Variants in GRIA4 observed in about 807,000 individuals in gnomAD.
The protein encoded by GRIA4 is glutamate ionotropic receptor AMPA type subunit 4, also known as glutamate receptor 4.
Under a neutral mutation model 104.0 loss-of-function variants are expected in GRIA4, and 34 were observed. The observed-to-expected ratio is 0.33, with a 90% CI of 0.25 to 0.44. GRIA4 has a LOEUF of 0.44. Among genes scored for constraint, GRIA4 ranks in the 20% least tolerant of loss-of-function variants. The probability of loss-of-function intolerance (pLI) is 1.00; values close to 1 mark genes in which losing one functional copy is unlikely to be tolerated. For missense variants in GRIA4, 750 were observed against 1,096.5 expected (o/e 0.68, Z 4.46); for synonymous variants, 386 against 381.9 (o/e 1.01, Z -0.13).
At chr11:105,676,533 T>C (rs922560152) in intron 3 of GRIA4, among the ~76,000 whole-genome samples, 1 of 151,590 alleles carries the variant, frequency 6.6e-6, no homozygotes, top group Non-Finnish European at 1.5e-5. Flanking sequence ...AAAAAAAGAA[T>C]CACTATATCT....
intron 4 of GRIA4, among the ~76,000 whole-genome samples, chr11:105,844,919 C>A (rs182024358): frequency 6.6e-6 from 1 of 152,166 alleles, no homozygotes. Flanking sequence ...TATGGCACAG[C>A]GGGAATGTAG....
intron 3 of GRIA4, among the ~76,000 whole-genome samples, chr11:105,714,764 T>A (rs1954032997): frequency 6.6e-6 from 1 of 152,112 alleles, no homozygotes; most frequent in South Asian, 2.1e-4. Flanking sequence ...AATTATTTGA[T>A]CTTTAGCCGT....
At chr11:105,645,467 G>A (rs1542162) in intron 3 of GRIA4, among the ~76,000 whole-genome samples, 78,820 of 152,002 alleles carry the variant, frequency 0.52, 20,701 homozygotes, top group Admixed American at 0.61. Context: ...AGAAAATTCC[G>A]ACAGCATCTG....
intron 14 of GRIA4, among the ~76,000 whole-genome samples, chr11:105,944,379 T>G: frequency 6.6e-6 from 1 of 152,152 alleles, no homozygotes; most frequent in East Asian, 1.9e-4. Context: ...AGGCTCATTC[T>G]TGGTCTCCAC....
At chr11:105,673,407 G>C (rs1952436645) in intron 3 of GRIA4, among the ~76,000 whole-genome samples, 1 of 152,064 alleles carries the variant, frequency 6.6e-6, no homozygotes, top group Non-Finnish European at 1.5e-5. Context: ...TTAAATAGGG[G>C]GATGAGCAAA....
At chr11:105,703,365 T>A (rs1953574137) in intron 3 of GRIA4, among the ~76,000 whole-genome samples, 1 of 152,074 alleles carries the variant, frequency 6.6e-6, no homozygotes, top group African/African-American at 2.4e-5. Context: ...CTCTGAAAAA[T>A]AATGTAGCCT....
chr11:105,677,726 T>C (rs189308193), intron 3 of GRIA4, among the ~76,000 whole-genome samples: 18 of 152,074 alleles, frequency 1.2e-4, no homozygotes, highest in African/African-American at 3.6e-4. Context: ...ACACAGAAGA[T>C]AATAGTTGAA....
chr11:105,775,565 G>A (rs979369828), intron 4 of GRIA4, among the ~76,000 whole-genome samples: 1 of 151,494 alleles, frequency 6.6e-6, no homozygotes, highest in Admixed American at 6.6e-5. Context: ...ATGACAGCTA[G>A]GAAAAACCAT....
intron 4 of GRIA4, among the ~76,000 whole-genome samples, chr11:105,852,009 G>A (rs1032833203): frequency 2.6e-5 from 4 of 152,156 alleles, no homozygotes; most frequent in South Asian, 4.1e-4. Context: ...TATTCATTGA[G>A]TGAAAAGTGA....
At chr11:105,611,506 A>G (rs1435865033) in intron 2 of GRIA4, among the ~76,000 whole-genome samples, 1 of 152,148 alleles carries the variant, frequency 6.6e-6, no homozygotes. Context: ...CTTTCTTGCT[A>G]TTACAGAAAG....
chr11:105,626,081 C>T (rs989402428), intron 3 of GRIA4, among the ~76,000 whole-genome samples: 1 of 151,946 alleles, frequency 6.6e-6, no homozygotes, highest in African/African-American at 2.4e-5. Context: ...ATTTTAGGTC[C>T]GTGTGGGCAG....
intron 3 of GRIA4, among the ~76,000 whole-genome samples, chr11:105,739,620 A>G (rs888004738): frequency 6.6e-6 from 1 of 152,160 alleles, no homozygotes; most frequent in Non-Finnish European, 1.5e-5. Context: ...TTAATAACCT[A>G]TGATAATGCC....
At chr11:105,669,313 T>C (rs1952283910) in intron 3 of GRIA4, among the ~76,000 whole-genome samples, 1 of 152,080 alleles carries the variant, frequency 6.6e-6, no homozygotes, top group Non-Finnish European at 1.5e-5. Flanking sequence ...TTTTCTAATG[T>C]ATATGTAAAT....
intron 3 of GRIA4, among the ~76,000 whole-genome samples, chr11:105,635,172 ATAT>A (rs1392279217): frequency 6.6e-6 from 1 of 152,160 alleles, no homozygotes; most frequent in Non-Finnish European, 1.5e-5. Flanking sequence ...TAAAATAATA[ATAT>A]TAGAGACTTT....
Position 105,747,474 on chromosome 11 carries a change from C to T in GRIA4, c.248-5507C>T, listed in dbSNP as rs182025586. Among the ~76,000 whole-genome samples the T allele has an allele frequency of 2.6e-3, 401 of 152,148 alleles. 2 individuals are homozygous for T. Among genetic ancestry groups the T allele is most frequent in the Non-Finnish European group, 4.7e-3 (320 of 67,996 alleles). On this transcript the variant is annotated intron_variant, in intron 3 of 16. Coordinates refer to ENST00000282499, the MANE Select transcript of GRIA4 (RefSeq NM_000829.4). Reference sequence around the variant, plus strand: ...ACTATAATACTGTACAACAGTAACACGTAAGACAGGAGGGCAATGTCAAAG... The same window carrying T: ...ACTATAATACTGTACAACAGTAACATGTAAGACAGGAGGGCAATGTCAAAG...
chr11:105,981,553 T>TCA lies in GRIA4; in HGVS notation c.*1851_*1852dup, dbSNP rs112786972. The TCA allele has an allele frequency of 0.033, 4,375 of 133,992 alleles. 83 individuals are homozygous for TCA. The highest frequency in any genetic ancestry group is 0.039 in the South Asian group (152 of 3,854). The allele number at this position is 133,992 out of a possible 1,614,324, so 8.3% of individuals were successfully genotyped here. A position where few individuals can be genotyped will look rare whatever the true frequency, so the allele number is the denominator to read the frequency against. On this transcript the variant is annotated 3_prime_UTR_variant, in exon 17 of 17. Transcript: ENST00000282499. ...TAAGAGCAATCTTAAACAGTATAAATCACACACACACACACACACACACAC... is the reference window on the plus strand; with the variant it reads ...TAAGAGCAATCTTAAACAGTATAAATCACACACACACACACACACACACACAC...
intron 3 of GRIA4, among the ~76,000 whole-genome samples, chr11:105,668,222 A>AAT (rs1555095706): frequency 1.6e-3 from 216 of 137,236 alleles, no homozygotes; most frequent in African/African-American, 5.3e-3. Flanking sequence ...ACACACATAT[A>AAT]ATATATATAT....
At chr11:105,794,473 G>GTATA (rs71041629) in intron 4 of GRIA4, among the ~76,000 whole-genome samples, 485 of 43,792 alleles carry the variant, frequency 0.011, 11 homozygotes, top group East Asian at 0.021. Context: ...GTATATGTAT[G>GTATA]TATATATATA....
Position 105,611,092 on chromosome 11 carries a change from TG to T in GRIA4, c.88+8del, listed in dbSNP as rs1281334658. The T allele has an allele frequency of 6.3e-7, 1 of 1,596,950 alleles. No homozygotes were observed. The highest frequency in any genetic ancestry group is 1.3e-5 in the African/African-American group (1 of 74,500). On this transcript the variant is annotated splice_region_variant and intron_variant, in intron 2 of 16. Transcript: ENST00000282499. ...CCGAGCAGCGTGCAAATAGGTAAGG[TG>T]TGCTCCGATGGGGTGTGCATGTGGC...
Sources: allele counts gnomAD v4.1 joint callset (sites outside exome capture counted in the v4.1 genomes callset), GRCh38; gene constraint gnomAD v4.1.1; transcripts MANE v1.5; gene names NCBI Gene and HGNC (gene_info 2026-07-23, HGNC 2026-07-21).